Variants in MKNK1 observed in about 807,000 individuals in gnomAD.
MKNK1 encodes the protein MAPK interacting serine/threonine kinase 1.
In MKNK1, 30 loss-of-function variants were observed where a neutral mutation model predicts 49.3. That is an observed-to-expected ratio of 0.61 (90% CI 0.46 to 0.83). The LOEUF (loss-of-function observed/expected upper bound fraction) is 0.83. Among genes scored for constraint, MKNK1 ranks in the 40% least tolerant of loss-of-function variants. The pLI, the probability that MKNK1 is intolerant of heterozygous loss-of-function variation, is 0.00. For synonymous variants in MKNK1, 176 were observed against 201.7 expected, an observed-to-expected ratio of 0.87 and a Z score of 1.08; for missense variants, 423 against 524.7, an observed-to-expected ratio of 0.81 and a Z score of 1.89.
chr1:46,568,461 C>T lies in MKNK1; in HGVS notation c.495G>A (p.Leu165=). The T allele has an allele frequency of 6.2e-7, 1 of 1,614,106 alleles. No individual in the cohort carries two copies. The highest frequency in any genetic ancestry group is 8.5e-7 in the Non-Finnish European group (1 of 1,180,006). ...AHRDLKPENI[L]CESPEKVSPV... ...AAAGTACCTTTTCTGGAGATTCACA[C>T]AATATATTTTCTGGTTTCAGATCAC... Residue 165 remains leucine, a synonymous_variant, in exon 8 of 13, where the codon TTG becomes TTA. Transcript: ENST00000371945.
chr1:46,603,539 T>C (rs917147954), intron 1 of MKNK1, among the ~76,000 whole-genome samples: 3 of 152,116 alleles, frequency 2.0e-5, no homozygotes, highest in African/African-American at 7.2e-5. Context: ...GGGAAGAAAG[T>C]GAAGCTCTGG....
intron 9 of MKNK1, among the ~76,000 whole-genome samples, chr1:46,564,044 CAAAAAAAAA>C (rs1217205121): frequency 5.1e-5 from 2 of 39,078 alleles, no homozygotes; most frequent in Non-Finnish European, 8.4e-5. Flanking sequence ...GACTCTGTCT[CAAAAAAAAA>C]AAAAAAAAAA....
chr1:46,593,855 G>GA (rs61626573), intron 2 of MKNK1: 46,095 of 127,778 alleles, frequency 0.36, 9,274 homozygotes, highest in Non-Finnish European at 0.47. Flanking sequence ...GACTCTATCT[G>GA]AAAAAAAAAA....
At chr1:46,572,945 G>GT (rs1404250942) in intron 6 of MKNK1, among the ~76,000 whole-genome samples, 1 of 152,126 alleles carries the variant, frequency 6.6e-6, no homozygotes, top group Non-Finnish European at 1.5e-5. Context: ...GGAAAAATGG[G>GT]TTTTCCGCCT....
intron 11 of MKNK1, 44 bp from the exon 12 acceptor site, chr1:46,560,321 C>G (rs888155055): frequency 6.2e-7 from 1 of 1,606,838 alleles, no homozygotes; most frequent in Non-Finnish European, 8.5e-7. Context: ...ACTGCTCCCT[C>G]CTTTCAAGAA....
chr1:46,561,755 G>A (rs1668019277), intron 10 of MKNK1, 113 bp from the exon 11 acceptor site: 5 of 1,202,806 alleles, frequency 4.2e-6, no homozygotes, highest in Non-Finnish European at 5.8e-6. Context: ...GCAGCTCATG[G>A]CTTGGGGATG....
Position 46,579,550 on chromosome 1 carries a change from G to T in MKNK1, c.198+980C>A, listed in dbSNP as rs146657513. 2.4e-4 allele frequency among the ~76,000 whole-genome samples: 36 copies of T among 152,296 alleles called. No individual in the cohort carries two copies. The East Asian group carries it at 6.6e-3, about 28-fold the overall frequency. Reference sequence around the variant, plus strand: ...CCCTTCCTACAACAGTAGTCCTCAAGGATTAGTGAGTGTCAGAGTCACCAG... The same window carrying T: ...CCCTTCCTACAACAGTAGTCCTCAATGATTAGTGAGTGTCAGAGTCACCAG... On this transcript the variant is annotated intron_variant, in intron 4 of 12. Transcript: ENST00000371945.
At chr1:46,561,388 G>A (rs1166375659) in intron 11 of MKNK1, 90 bp downstream of exon 11, 19 of 1,423,130 alleles carry the variant, frequency 1.3e-5, no homozygotes, top group Non-Finnish European at 1.3e-5. Context: ...CCACAAGGCT[G>A]GTGCTCAGCA....
chr1:46,575,222 A>G (rs1004998633), intron 5 of MKNK1: 10 of 523,240 alleles, frequency 1.9e-5, no homozygotes, highest in Non-Finnish European at 3.0e-5. Flanking sequence ...TTATCTTTCC[A>G]TAATGTTTAG....
intron 2 of MKNK1, chr1:46,593,764 G>C (rs534729492): frequency 6.2e-6 from 1 of 161,044 alleles, no homozygotes; most frequent in East Asian, 1.8e-4. Flanking sequence ...GCTGAGGCAG[G>C]AGAATCGCTT....
At chr1:46,600,002 C>G (rs746935806) in intron 1 of MKNK1, among the ~76,000 whole-genome samples, 2 of 152,146 alleles carry the variant, frequency 1.3e-5, no homozygotes, top group African/African-American at 2.4e-5. Flanking sequence ...ACAACACACA[C>G]ACACACACCC....
intron 7 of MKNK1, chr1:46,571,638 G>T: frequency 2.8e-6 from 1 of 354,900 alleles, no homozygotes; most frequent in Non-Finnish European, 5.5e-6. Context: ...ATTTTGAAAA[G>T]AGACAGAGGT....
At chr1:46,566,016 A>G (rs1668995422) in intron 8 of MKNK1, among the ~76,000 whole-genome samples, 1 of 152,176 alleles carries the variant, frequency 6.6e-6, no homozygotes, top group Non-Finnish European at 1.5e-5. Context: ...ATTTTTAAGT[A>G]GACAGTTTAG....
At chr1:46,581,503 C>G (rs1161024458) in intron 3 of MKNK1, among the ~76,000 whole-genome samples, 1 of 96,426 alleles carries the variant, frequency 1.0e-5, no homozygotes, top group Non-Finnish European at 1.9e-5. Flanking sequence ...AGTGAGACCC[C>G]ATATCAAAAA....
rs1311600980 is a variant in MKNK1, at chr1:46,589,816, T to C, written c.-3+4297A>G. On this transcript the variant is annotated intron_variant, in intron 2 of 12. Transcript: ENST00000371945. This position sits in a 1 kb window ranked among gnomAD's most constrained non-coding sequence, Gnocchi z 4.3. ...CCACCCTCTGGAAGAACTGTGTTAC[T>C]TCTCCATAGTCTTATGAGCCACATT... Among the ~76,000 whole-genome samples, 1 of 152,122 alleles carries C rather than the reference T, an allele frequency of 6.6e-6. No individual in the cohort carries two copies. Among genetic ancestry groups the C allele is most frequent in the Non-Finnish European group, 1.5e-5 (1 of 68,006 alleles).
rs1669498047 is a variant in MKNK1 at position 46,568,508 on chromosome 1, CAA to C, written c.458-12_458-11del. ...TCACGATGAGCAATGCCTGACATGA[CAA>C]AGAGCAAAAAAATGGTTAACATATG... On this transcript the variant is annotated splice_polypyrimidine_tract_variant and intron_variant, in intron 7 of 12. Transcript: ENST00000371945. The C allele has an allele frequency of 6.2e-7, 1 of 1,610,304 alleles. No homozygotes were observed. The highest frequency in any genetic ancestry group is 1.1e-5 in the South Asian group (1 of 90,284).
chr1:46,601,914 G>A (rs191960006), intron 1 of MKNK1, among the ~76,000 whole-genome samples: 32 of 152,312 alleles, frequency 2.1e-4, no homozygotes, highest in African/African-American at 6.7e-4. Flanking sequence ...AGACTATGAT[G>A]AGAGCTATAT....
chr1:46,576,867 C>T (rs1671041889), intron 4 of MKNK1, among the ~76,000 whole-genome samples: 1 of 152,196 alleles, frequency 6.6e-6, no homozygotes, highest in South Asian at 2.1e-4. Context: ...GCCCATTCCA[C>T]TCTGGCCAAG....
Position 46,558,787 on chromosome 1 carries a change from T to C in MKNK1, c.1027A>G (p.Met343Val), listed in dbSNP as rs1306892048. The change falls in exon 13 of 13, where the codon ATG (methionine) becomes GTG (valine). Residue 343 changes from methionine (M) to valine (V), a missense_variant. Physicochemically the swap from Met to Val is conservative, Grantham distance 21. Coordinates refer to ENST00000371945, the MANE Select transcript of MKNK1 (RefSeq NM_001135553.4). ...PQVLQRNSST[M>V]DLTLFAAEAI... The stretch of plus-strand genomic sequence containing the variant: ...TCAGCTGCGAAGAGCGTCAGGTCCA[T>C]TGTGCTGCTGTTCCTGCAGGGCCAG... The C allele has an allele frequency of 1.1e-5, 18 of 1,613,646 alleles. No individual in the cohort carries two copies. The highest frequency in any genetic ancestry group is 1.7e-5 in the Admixed American group (1 of 59,992).
Sources: gnomAD v4.1 joint callset for allele counts (sites outside exome capture counted in the v4.1 genomes callset) on GRCh38, gnomAD v4.1.1 for gene constraint, Gnocchi (gnomAD v3.1) non-coding constraint, MANE v1.5 for transcripts, NCBI Gene and HGNC (gene_info 2026-07-23, HGNC 2026-07-21) for gene names.